Variants in ROBO2 observed in about 807,000 individuals in gnomAD.
ROBO2 encodes roundabout guidance receptor 2.
A neutral mutation model predicts 160.8 loss-of-function variants in ROBO2; 53 were observed. The ratio of observed to expected loss-of-function variants is 0.33; its 90% CI spans 0.26 to 0.41. ROBO2 has a LOEUF of 0.41. Among genes scored for constraint, ROBO2 ranks in the 10% least tolerant of loss-of-function variants. The pLI, the probability that ROBO2 is intolerant of heterozygous loss-of-function variation, is 1.00. For missense variants in ROBO2, 1,577 were observed against 1,722.4 expected (o/e 0.92, Z 1.49); for synonymous variants, 664 against 611.7 (o/e 1.09, Z -1.26).
intron 2 of ROBO2, among the ~76,000 whole-genome samples, chr3:76,462,099 C>A (rs1415586584): frequency 2.6e-5 from 4 of 152,112 alleles, no homozygotes; most frequent in Non-Finnish European, 5.9e-5. Flanking sequence ...TCAAATAGCT[C>A]TTTTTTGCTT....
At chr3:76,335,626 G>A (rs966715547) in intron 2 of ROBO2, among the ~76,000 whole-genome samples, 24 of 151,070 alleles carry the variant, frequency 1.6e-4, no homozygotes, top group African/African-American at 5.6e-4. Context: ...CGCCCAGGCT[G>A]GAGTGCAGGG....
In ROBO2 at chr3:76,049,383, G is replaced by GTATATA. The variant is rs1553727226; in HGVS notation, c.109+111797_109+111802dup. The stretch of plus-strand genomic sequence containing the variant: ...ATGCCACCACCCCTGGCTAATTTTA[G>GTATATA]TATATATATATATATATATATTTTT... On this transcript the variant is annotated intron_variant, in intron 2 of 26. Coordinates refer to the ROBO2 transcript ENST00000487694. 6.8e-4 allele frequency among the ~76,000 whole-genome samples: 25 copies of GTATATA among 36,810 alleles called. No homozygotes were observed. The East Asian group carries it at 7.9e-3, about 12-fold the overall frequency. The allele number at this position is 36,810 out of a possible 152,430, so 24.1% of individuals were successfully genotyped here.
intron 2 of ROBO2, among the ~76,000 whole-genome samples, chr3:76,144,000 C>T (rs2071790698): frequency 6.6e-6 from 1 of 151,722 alleles, no homozygotes. Context: ...GGATGAGGTC[C>T]CCCCTACACT....
At chr3:76,881,605 A>G (rs1343624478) in intron 2 of ROBO2, among the ~76,000 whole-genome samples, 2 of 152,240 alleles carry the variant, frequency 1.3e-5, no homozygotes, top group African/African-American at 4.8e-5. Context: ...CTGCAAAATT[A>G]TTCTTGGAAT....
intron 2 of ROBO2, among the ~76,000 whole-genome samples, chr3:76,234,203 T>C (rs1030071445): frequency 6.6e-6 from 1 of 152,224 alleles, no homozygotes; most frequent in African/African-American, 2.4e-5. Context: ...ACCACGTTTT[T>C]AAATCCAGTC....
intron 21 of ROBO2, among the ~76,000 whole-genome samples, chr3:77,608,812 G>T (rs1176831484): frequency 6.6e-6 from 1 of 151,480 alleles, no homozygotes; most frequent in Non-Finnish European, 1.5e-5. Flanking sequence ...CTTTTCACAG[G>T]ATTTTTTTTC....
chr3:76,996,692 A>C (rs779638675), intron 2 of ROBO2, among the ~76,000 whole-genome samples: 5 of 152,168 alleles, frequency 3.3e-5, no homozygotes, highest in Non-Finnish European at 5.9e-5. Flanking sequence ...TGTCCAGTAC[A>C]TTCTTACCAA....
intron 2 of ROBO2, among the ~76,000 whole-genome samples, chr3:76,087,962 ATATGT>A (rs1230224627): frequency 3.9e-5 from 6 of 152,100 alleles, no homozygotes; most frequent in African/African-American, 1.4e-4. Context: ...ACAAGCAATT[ATATGT>A]TATTTATAAA....
At chr3:77,310,420 T>C (rs1253371493) in intron 2 of ROBO2, among the ~76,000 whole-genome samples, 1 of 152,154 alleles carries the variant, frequency 6.6e-6, no homozygotes, top group Non-Finnish European at 1.5e-5. Context: ...TCTTGAGAAC[T>C]CTAAAGCAGA....
At chr3:76,965,793 A>G (rs1469168195) in intron 2 of ROBO2, among the ~76,000 whole-genome samples, 1 of 146,220 alleles carries the variant, frequency 6.8e-6, no homozygotes, top group African/African-American at 2.5e-5. Flanking sequence ...GTGTATATAT[A>G]TATATATATA....
intron 2 of ROBO2, among the ~76,000 whole-genome samples, chr3:76,331,457 C>A (rs916529728): frequency 1.5e-4 from 23 of 152,072 alleles, no homozygotes; most frequent in Non-Finnish European, 2.8e-4. Flanking sequence ...TAAATCTAAT[C>A]TTCATTCGTT....
At chr3:77,293,576 A>G (rs1280731413) in intron 2 of ROBO2, among the ~76,000 whole-genome samples, 2 of 147,424 alleles carry the variant, frequency 1.4e-5, no homozygotes, top group Non-Finnish European at 3.0e-5. Context: ...TTGACGGGTA[A>G]ACGGGTAAGC....
At chr3:77,572,137 T>C (rs1413010319) in intron 13 of ROBO2, among the ~76,000 whole-genome samples, 1 of 151,644 alleles carries the variant, frequency 6.6e-6, no homozygotes, top group Non-Finnish European at 1.5e-5. Context: ...TGGAAACAGC[T>C]GCTTAATGTT....
chr3:77,376,451 C>A (rs1395056902), intron 2 of ROBO2, among the ~76,000 whole-genome samples: 2 of 152,018 alleles, frequency 1.3e-5, no homozygotes, highest in East Asian at 3.9e-4. Context: ...AGCCACCGCA[C>A]CCAGCTTAAC....
intron 6 of ROBO2, among the ~76,000 whole-genome samples, chr3:77,532,661 G>A (rs79747269): frequency 1.9e-4 from 28 of 151,348 alleles, no homozygotes; most frequent in Admixed American, 4.6e-4. Flanking sequence ...ACAATATACC[G>A]CGTCTCTAAC....
intron 2 of ROBO2, among the ~76,000 whole-genome samples, chr3:76,498,115 A>C (rs2080255155): frequency 6.6e-6 from 1 of 152,230 alleles, no homozygotes; most frequent in Non-Finnish European, 1.5e-5. Flanking sequence ...TAATTCTAGC[A>C]CCTAGAAAAT....
chr3:77,136,901 C>T (rs577090150), intron 2 of ROBO2, among the ~76,000 whole-genome samples: 15 of 152,248 alleles, frequency 9.9e-5, no homozygotes, highest in Non-Finnish European at 1.5e-4. Flanking sequence ...TTCCAAAGTG[C>T]TGGGATTACA....
intron 4 of ROBO2, among the ~76,000 whole-genome samples, chr3:77,489,655 A>G (rs1470628253): frequency 6.6e-6 from 1 of 152,188 alleles, no homozygotes; most frequent in African/African-American, 2.4e-5. Flanking sequence ...TGATTTTGTG[A>G]CTGTTAGCAT....
At chr3:77,361,134 C>CT (rs2069922500) in intron 2 of ROBO2, among the ~76,000 whole-genome samples, 1 of 151,894 alleles carries the variant, frequency 6.6e-6, no homozygotes, top group Admixed American at 6.6e-5. Context: ...CATAAAATAC[C>CT]TTTTTAAAGT....
Sources: gnomAD v4.1 joint callset for allele counts (sites outside exome capture counted in the v4.1 genomes callset) on GRCh38, gnomAD v4.1.1 for gene constraint, MANE v1.5 for transcripts, NCBI Gene and HGNC (gene_info 2026-07-23, HGNC 2026-07-21) for gene names.